Variants in SNTG1 observed in about 807,000 individuals in gnomAD.
SNTG1 encodes the protein syntrophin gamma 1, also known as gamma-1-syntrophin.
A neutral mutation model predicts 74.7 loss-of-function variants in SNTG1; 39 were observed. That is an observed-to-expected ratio of 0.52 (90% CI 0.40 to 0.68). The LOEUF (loss-of-function observed/expected upper bound fraction) is 0.68, where lower values mean the gene tolerates loss of function less well. SNTG1 is among the 30% of genes least tolerant of loss of function. The pLI, the probability that SNTG1 is intolerant of heterozygous loss-of-function variation, is 0.00. For missense variants in SNTG1, 685 were observed against 609.5 expected, an observed-to-expected ratio of 1.12 and a Z score of -1.30; for synonymous variants, 254 against 217.1, an observed-to-expected ratio of 1.17 and a Z score of -1.49.
At chr8:50,442,114 C>T (rs976921786) in intron 5 of SNTG1, among the ~76,000 whole-genome samples, 2 of 152,172 alleles carry the variant, frequency 1.3e-5, no homozygotes, top group African/African-American at 2.4e-5. Context: ...CTCTCGCATC[C>T]CCATCTCCCA....
chr8:49,963,887 T>A (rs1336044850), intron 1 of SNTG1, among the ~76,000 whole-genome samples: 4 of 152,252 alleles, frequency 2.6e-5, no homozygotes. Flanking sequence ...AGACTTTTTC[T>A]TCAGCTTCTC....
chr8:50,321,080 T>C (rs1002113011), intron 2 of SNTG1, among the ~76,000 whole-genome samples: 2 of 152,066 alleles, frequency 1.3e-5, no homozygotes, highest in East Asian at 3.9e-4. Flanking sequence ...AAGTCTGAAG[T>C]TTCTTTGCTG....
intron 1 of SNTG1, among the ~76,000 whole-genome samples, chr8:50,050,145 T>G (rs562374679): frequency 3.2e-4 from 49 of 151,080 alleles, no homozygotes; most frequent in Non-Finnish European, 5.6e-4. Flanking sequence ...ATCAACAGAA[T>G]CAGTGAAAGC....
chr8:50,618,743 T>G (rs1264489706), intron 13 of SNTG1, among the ~76,000 whole-genome samples: 1 of 152,216 alleles, frequency 6.6e-6, no homozygotes, highest in African/African-American at 2.4e-5. Flanking sequence ...GGTTGTCAGT[T>G]GGAGACCTCT....
chr8:50,736,516 A>C (rs1241161343), intron 17 of SNTG1, among the ~76,000 whole-genome samples: 1 of 152,094 alleles, frequency 6.6e-6, no homozygotes, highest in African/African-American at 2.4e-5. Context: ...AAGACCGATC[A>C]ACAAGAGAGA....
At chr8:50,276,301 G>T (rs1296642052) in intron 2 of SNTG1, among the ~76,000 whole-genome samples, 1 of 151,380 alleles carries the variant, frequency 6.6e-6, no homozygotes, top group Non-Finnish European at 1.5e-5. Context: ...TTAGCAGTAT[G>T]CTGTGACTTA....
chr8:50,534,891 T>C lies in SNTG1; in HGVS notation c.550-1787T>C, dbSNP rs140236700. On this transcript the variant is annotated intron_variant, in intron 10 of 18. Coordinates refer to ENST00000642720, the MANE Select transcript of SNTG1 (RefSeq NM_018967.5). ...GTCAAGCACTTAGTACAAGTAGGTA[T>C]TATTAAAACTACTATTAAATAGTAA... Among the ~76,000 whole-genome samples, 225 of 152,320 alleles carry C rather than the reference T, an allele frequency of 1.5e-3. 1 individual carries two copies. The highest frequency in any genetic ancestry group is 5.2e-3 in the African/African-American group (217 of 41,570).
chr8:49,952,933 A>T (rs1436806605), intron 1 of SNTG1, among the ~76,000 whole-genome samples: 2 of 152,214 alleles, frequency 1.3e-5, no homozygotes, highest in Non-Finnish European at 2.9e-5. Context: ...CTGGTGGCAT[A>T]GGCAGAAATC....
chr8:50,114,586 G>A (rs1420684638), intron 1 of SNTG1, among the ~76,000 whole-genome samples: 1 of 152,150 alleles, frequency 6.6e-6, no homozygotes, highest in Admixed American at 6.5e-5. Flanking sequence ...GATGAACAAA[G>A]CCGGGCGCAG....
chr8:50,109,362 C>A (rs551595848), intron 1 of SNTG1, among the ~76,000 whole-genome samples: 1 of 152,222 alleles, frequency 6.6e-6, no homozygotes, highest in South Asian at 2.1e-4. Flanking sequence ...TTTCTTCAAT[C>A]TTAAGTTCTG....
chr8:50,261,135 C>CA (rs1246107985), intron 2 of SNTG1, among the ~76,000 whole-genome samples: 1 of 151,966 alleles, frequency 6.6e-6, no homozygotes, highest in South Asian at 2.1e-4. Flanking sequence ...AAACACAGAT[C>CA]AAAAAAACAT....
intron 15 of SNTG1, among the ~76,000 whole-genome samples, chr8:50,687,385 T>C (rs2095357420): frequency 6.6e-6 from 1 of 152,156 alleles, no homozygotes; most frequent in Non-Finnish European, 1.5e-5. Context: ...CCTGACTATA[T>C]GCTGATTAAA....
rs2093437552 is a variant in SNTG1 at position 50,449,667 on chromosome 8, G to T, written c.220-1G>T. On this transcript the variant is annotated splice_acceptor_variant, in intron 5 of 18. Coordinates refer to ENST00000642720, the MANE Select transcript of SNTG1 (RefSeq NM_018967.5). LOFTEE classifies it high-confidence loss of function. ...TACAATATATGATTTTCTCTTTTCA[G>T]GGAGGAGCAGAACATAACATTCCAG... The T allele has an allele frequency of 6.3e-7, 1 of 1,587,648 alleles. No homozygotes were observed. The highest frequency in any genetic ancestry group is 1.2e-5 in the South Asian group (1 of 85,924).
chr8:50,103,429 GAAGTTGCTTATCAGCTT>G (rs2080229463), intron 1 of SNTG1, among the ~76,000 whole-genome samples: 1 of 152,200 alleles, frequency 6.6e-6, no homozygotes, highest in African/African-American at 2.4e-5. Context: ...AGATTTTGCT[GAAGTTGCTTATCAGCTT>G]AAGGAGATTT....
intron 2 of SNTG1, among the ~76,000 whole-genome samples, chr8:50,288,218 A>G (rs2088893560): frequency 6.6e-6 from 1 of 152,212 alleles, no homozygotes; most frequent in Non-Finnish European, 1.5e-5. Flanking sequence ...TGGTCTTCTC[A>G]AAAGGATTAA....
intron 1 of SNTG1, among the ~76,000 whole-genome samples, chr8:49,996,315 T>C (rs1337615980): frequency 2.0e-5 from 3 of 151,906 alleles, no homozygotes; most frequent in Non-Finnish European, 4.4e-5. Flanking sequence ...ATTGTACCAC[T>C]CCTTATTATT....
At chr8:50,634,445 T>G (rs1342252602) in intron 13 of SNTG1, among the ~76,000 whole-genome samples, 1 of 152,228 alleles carries the variant, frequency 6.6e-6, no homozygotes, top group African/African-American at 2.4e-5. Flanking sequence ...ACGTGATTTT[T>G]CAACCACCTT....
chr8:50,549,513 C>T (rs1181419636), intron 11 of SNTG1, among the ~76,000 whole-genome samples: 2 of 152,036 alleles, frequency 1.3e-5, no homozygotes, highest in Non-Finnish European at 2.9e-5. Flanking sequence ...TATCCTTCAC[C>T]CCACAGAGAG....
At chr8:50,108,716 T>A (rs1219443587) in intron 1 of SNTG1, among the ~76,000 whole-genome samples, 1 of 152,212 alleles carries the variant, frequency 6.6e-6, no homozygotes, top group Non-Finnish European at 1.5e-5. Context: ...AAAATCCTAC[T>A]ATGTCCAGCT....
Sources: gnomAD v4.1 joint callset for allele counts (sites outside exome capture counted in the v4.1 genomes callset) on GRCh38, gnomAD v4.1.1 for gene constraint, MANE v1.5 for transcripts, NCBI Gene and HGNC (gene_info 2026-07-23, HGNC 2026-07-21) for gene names.